ABHD17C: variants seen among roughly 807,000 people sequenced by gnomAD.
ABHD17C encodes the protein abhydrolase domain containing 17C, depalmitoylase.
In ABHD17C, 11 loss-of-function variants were observed where a neutral mutation model predicts 27.9. That is an observed-to-expected ratio of 0.39 (90% CI 0.25 to 0.65). The LOEUF (loss-of-function observed/expected upper bound fraction) is 0.65, where lower values mean the gene tolerates loss of function less well. Among genes scored for constraint, ABHD17C ranks in the 30% least tolerant of loss-of-function variants. ABHD17C has a pLI of 0.45. For missense variants in ABHD17C, 280 were observed against 470.2 expected (o/e 0.60, Z 3.74); for synonymous variants, 233 against 209.1 (o/e 1.11, Z -0.98).
At chr15:80,707,793 C>T (rs1210590455) in intron 1 of ABHD17C, among the ~76,000 whole-genome samples, 1 of 152,046 alleles carries the variant, frequency 6.6e-6, no homozygotes, top group Non-Finnish European at 1.5e-5. Context: ...TACAGCTCGG[C>T]GTGTCAAAGT....
intron 1 of ABHD17C, among the ~76,000 whole-genome samples, chr15:80,744,572 C>T (rs1895257187): frequency 6.6e-6 from 1 of 152,178 alleles, no homozygotes. Flanking sequence ...CAAATCTGAG[C>T]GTTTGACTTA....
chr15:80,718,618 G>A (rs1009574238), intron 1 of ABHD17C, among the ~76,000 whole-genome samples: 10 of 152,160 alleles, frequency 6.6e-5, no homozygotes, highest in African/African-American at 1.7e-4. Context: ...ACAGGCATGA[G>A]CCACCCATGC....
intron 1 of ABHD17C, among the ~76,000 whole-genome samples, chr15:80,720,384 GA>G (rs1373018739): frequency 6.6e-6 from 1 of 151,964 alleles, no homozygotes; most frequent in Non-Finnish European, 1.5e-5. Context: ...CAAAGGAATG[GA>G]AATGTAGGAG....
chr15:80,752,243 G>A (rs1008844419), intron 2 of ABHD17C, among the ~76,000 whole-genome samples: 1 of 152,122 alleles, frequency 6.6e-6, no homozygotes, highest in Non-Finnish European at 1.5e-5. Context: ...TAAATATAGG[G>A]GGAAAGCAGG....
intron 1 of ABHD17C, among the ~76,000 whole-genome samples, chr15:80,732,355 G>C (rs548092954): frequency 6.6e-6 from 1 of 152,196 alleles, no homozygotes; most frequent in Non-Finnish European, 1.5e-5. Flanking sequence ...TCCACGTTTA[G>C]TCCATATCCC....
chr15:80,698,367 T>G (rs1188968884), intron 1 of ABHD17C, among the ~76,000 whole-genome samples: 1 of 152,122 alleles, frequency 6.6e-6, no homozygotes, highest in Non-Finnish European at 1.5e-5. Flanking sequence ...CCTGGCCTAT[T>G]TCACTTTTAT....
intron 1 of ABHD17C, among the ~76,000 whole-genome samples, chr15:80,709,709 T>C (rs1448548261): frequency 2.6e-5 from 4 of 152,112 alleles, no homozygotes; most frequent in African/African-American, 4.8e-5. Context: ...TCCCTCATTG[T>C]TCTCCTCCTC....
In ABHD17C at chr15:80,695,717, C is replaced by G; in HGVS notation, c.288C>G (p.Asp96Glu). 2 of 1,532,932 alleles carry G rather than the reference C, an allele frequency of 1.3e-6. No homozygotes were observed. The highest frequency in any genetic ancestry group is 2.4e-5 in the South Asian group (2 of 83,864). 95.0% of individuals were successfully genotyped at this position (1,532,932 alleles called of 1,614,324 possible). Residue 96 changes from aspartate to glutamate, a missense_variant, in exon 1 of 3, where the codon GAC (aspartate) becomes GAG (glutamate). By Grantham distance (45) the Asp-to-Glu change is conservative. This residue lies in a region of ABHD17C where 206 missense variants were observed against 394.7 expected (regional missense o/e 0.52). Coordinates refer to ENST00000258884, the MANE Select transcript of ABHD17C (RefSeq NM_021214.2). The surrounding 1 kb of genome is among the most constrained non-coding windows in gnomAD (Gnocchi z 4.3). ...GCCTGCACCTCAGCGAGCGCGCCGA[C>G]TGGCAGTACTCGCAGCGCGAGCTGG... The part of the protein sequence containing the change: ...ACSLHLSERA[D>E]WQYSQRELDA...
At chr15:80,704,996 C>A (rs1432235849) in intron 1 of ABHD17C, 1 of 152,286 alleles carries the variant, frequency 6.6e-6, no homozygotes, top group Non-Finnish European at 1.5e-5. Flanking sequence ...CACCATCCAC[C>A]GTTGGGCTAT....
intron 2 of ABHD17C, among the ~76,000 whole-genome samples, chr15:80,751,018 T>G (rs993992396): frequency 6.6e-6 from 1 of 152,062 alleles, no homozygotes; most frequent in Non-Finnish European, 1.5e-5. Context: ...GCTATGCATT[T>G]CATGTTCATG....
chr15:80,741,484 C>T (rs774925014), intron 1 of ABHD17C, among the ~76,000 whole-genome samples: 5 of 151,094 alleles, frequency 3.3e-5, no homozygotes, highest in Non-Finnish European at 5.9e-5. Context: ...CCTGTACATG[C>T]AGCAAAATTA....
intron 1 of ABHD17C, among the ~76,000 whole-genome samples, chr15:80,696,439 T>C (rs1465211281): frequency 6.6e-6 from 1 of 152,216 alleles, no homozygotes; most frequent in Non-Finnish European, 1.5e-5. Flanking sequence ...TAGACTCAGT[T>C]TCCTTCCCTG....
In ABHD17C at chr15:80,695,938, G is replaced by A; in HGVS notation, c.509G>A (p.Gly170Glu). ...NCNIFSYDYSGYGVSSGKPSE... is the reference protein window; with the variant it reads ...NCNIFSYDYSEYGVSSGKPSE... ...AACATCTTCTCCTACGACTACTCGGGATACGGCGTCAGCTCGGGCAAGCCC... is the reference window on the plus strand; with the variant it reads ...AACATCTTCTCCTACGACTACTCGGAATACGGCGTCAGCTCGGGCAAGCCC... Residue 170 changes from glycine (G) to glutamate (E), a missense_variant, in exon 1 of 3, where the codon GGA becomes GAA. By Grantham distance (98) the Gly-to-Glu change is moderately conservative. Around this residue, in one of 2 missense-constraint regions of ABHD17C, gnomAD observed 206 missense variants for 394.7 expected, o/e 0.52. Transcript: ENST00000258884. The surrounding 1 kb of genome is among the most constrained non-coding windows in gnomAD (Gnocchi z 4.3). The A allele has an allele frequency of 6.3e-7, 1 of 1,596,486 alleles. No individual in the cohort carries two copies. Among genetic ancestry groups the A allele is most frequent in the Non-Finnish European group, 8.5e-7 (1 of 1,178,918 alleles).
At chr15:80,730,459 A>G (rs1167548603) in intron 1 of ABHD17C, among the ~76,000 whole-genome samples, 1 of 152,186 alleles carries the variant, frequency 6.6e-6, no homozygotes. Flanking sequence ...ATTTTTTGCA[A>G]TGACAAAACA....
At chr15:80,714,873 A>C (rs967007749) in intron 1 of ABHD17C, among the ~76,000 whole-genome samples, 1 of 152,234 alleles carries the variant, frequency 6.6e-6, no homozygotes, top group African/African-American at 2.4e-5. Context: ...GCATGACAGT[A>C]AATTAAAATG....
At chr15:80,750,016 C>T (rs1013760426) in intron 2 of ABHD17C, among the ~76,000 whole-genome samples, 8 of 152,200 alleles carry the variant, frequency 5.3e-5, no homozygotes, top group Non-Finnish European at 8.8e-5. Flanking sequence ...GTTCAGCACT[C>T]GCTCATTCAT....
intron 1 of ABHD17C, among the ~76,000 whole-genome samples, chr15:80,717,751 A>G (rs1199631881): frequency 6.6e-6 from 1 of 152,208 alleles, no homozygotes; most frequent in Non-Finnish European, 1.5e-5. Flanking sequence ...AAAAATTGGA[A>G]CCATTTTTCT....
chr15:80,713,613 G>T (rs143929402), intron 1 of ABHD17C, among the ~76,000 whole-genome samples: 434 of 151,858 alleles, frequency 2.9e-3, no homozygotes, highest in Middle Eastern at 6.9e-3. Flanking sequence ...TTCGAGACCA[G>T]CCTGGCCAAC....
intron 1 of ABHD17C, among the ~76,000 whole-genome samples, chr15:80,726,603 C>CA (rs1403673114): frequency 2.0e-5 from 3 of 150,838 alleles, no homozygotes; most frequent in East Asian, 1.9e-4. Context: ...GCTCCGCCCC[C>CA]CCGCGTTCAC....
Sources: allele counts gnomAD v4.1 joint callset (sites outside exome capture counted in the v4.1 genomes callset), GRCh38; gene constraint gnomAD v4.1.1; regional missense constraint gnomAD v4.1.1; non-coding constraint Gnocchi (gnomAD v3.1); transcripts MANE v1.5; gene names NCBI Gene and HGNC (gene_info 2026-07-23, HGNC 2026-07-21).